Variants in CDH11 observed in about 807,000 individuals in gnomAD.
CDH11 encodes the protein cadherin-11.
In CDH11, 11 loss-of-function variants were observed where a neutral mutation model predicts 67.8. The ratio of observed to expected loss-of-function variants is 0.16; its 90% CI spans 0.10 to 0.27. The LOEUF is 0.27. CDH11 is among the 10% of genes least tolerant of loss of function. The pLI is 1.00. For synonymous variants in CDH11, 419 were observed against 400.0 expected (o/e 1.05, Z -0.57); for missense variants, 847 against 1,031.2 (o/e 0.82, Z 2.45).
At chr16:65,029,113 T>A (rs979713785) in intron 2 of CDH11, among the ~76,000 whole-genome samples, 6 of 151,518 alleles carry the variant, frequency 4.0e-5, no homozygotes, top group African/African-American at 1.5e-4. Context: ...TAAAATAAAC[T>A]TTTTTTTAAG....
At position 64,991,944 on chromosome 16, in the gene CDH11, G is replaced by A. The variant is rs1597063692; in HGVS notation, c.644-9C>T. On this transcript the variant is annotated splice_polypyrimidine_tract_variant and intron_variant, in intron 5 of 12. Coordinates refer to ENST00000268603, the MANE Select transcript of CDH11 (RefSeq NM_001797.4). ...GGCTGTTCTGATGATACCTGGACAG[G>A]TAAGCAGGCAACATCACAGATATTC... 6 of 1,583,362 alleles carry A rather than the reference G, an allele frequency of 3.8e-6. No individual in the cohort carries two copies. Among genetic ancestry groups the A allele is most frequent in the Non-Finnish European group, 5.2e-6 (6 of 1,156,470 alleles).
At chr16:65,037,426 G>A (rs1440839821) in intron 2 of CDH11, among the ~76,000 whole-genome samples, 1 of 152,142 alleles carries the variant, frequency 6.6e-6, no homozygotes, top group African/African-American at 2.4e-5. Flanking sequence ...GGAAACACCT[G>A]GATATTTGGA....
intron 11 of CDH11, among the ~76,000 whole-genome samples, chr16:64,970,298 A>G (rs777839966): frequency 1.3e-5 from 2 of 152,188 alleles, no homozygotes; most frequent in Non-Finnish European, 2.9e-5. Flanking sequence ...GGTAAATCAA[A>G]TCATAGACCC....
intron 1 of CDH11, among the ~76,000 whole-genome samples, chr16:65,085,293 T>C (rs1018231516): frequency 6.6e-6 from 1 of 152,192 alleles, no homozygotes; most frequent in African/African-American, 2.4e-5. Context: ...GGTTAAAGCA[T>C]GATAGAAAAG....
chr16:65,122,904 C>G (rs1262382310), upstream of CDH11, among the ~76,000 whole-genome samples: 1 of 152,216 alleles, frequency 6.6e-6, no homozygotes, highest in Non-Finnish European at 1.5e-5. Context: ...CCGGTAGTGT[C>G]ACTTGTTGCC....
chr16:65,001,085 A>G (rs879371250), intron 3 of CDH11, among the ~76,000 whole-genome samples: 42 of 152,262 alleles, frequency 2.8e-4, no homozygotes, highest in Admixed American at 7.9e-4. Flanking sequence ...TATTGTTTCA[A>G]TATCCCCAAA....
In CDH11 at chr16:65,060,354, T is replaced by TATATAG. The variant is rs367727382; in HGVS notation, c.-297-6427_-297-6426insCTATAT. Among the ~76,000 whole-genome samples, 12 of 145,064 alleles carry TATATAG rather than the reference T, an allele frequency of 8.3e-5. No homozygotes were observed. The South Asian group carries it at 2.2e-3, about 26-fold the overall frequency. ...TAAAATTTGCATATATATATATATA[T>TATATAG]AGAGAGAGAGAGAGAGAGACTATAT... On this transcript the variant is annotated intron_variant, in intron 1 of 12. Transcript: ENST00000268603.
chr16:65,045,329 GTATATA>G (rs57695452), intron 2 of CDH11, among the ~76,000 whole-genome samples: 871 of 63,208 alleles, frequency 0.014, 17 homozygotes, highest in Middle Eastern at 0.04. Flanking sequence ...TCCCTCAAAA[GTATATA>G]TATATATATA....
chr16:65,014,991 G>A (rs1193562598), intron 2 of CDH11, among the ~76,000 whole-genome samples: 2 of 150,192 alleles, frequency 1.3e-5, no homozygotes, highest in African/African-American at 4.9e-5. Flanking sequence ...GAGATTACAG[G>A]CATAGGCCAC....
intron 2 of CDH11, among the ~76,000 whole-genome samples, chr16:65,025,428 C>T (rs1022185235): frequency 3.9e-5 from 6 of 152,102 alleles, no homozygotes; most frequent in East Asian, 1.9e-4. Flanking sequence ...ACCTCTGCTC[C>T]GCCTCCCGGG....
At chr16:65,122,080 T>G, upstream of CDH11, 1 of 517,548 alleles carries the variant, frequency 1.9e-6, no homozygotes, top group South Asian at 1.9e-5. Flanking sequence ...CCGAGCGCGC[T>G]AGTGGCAGGA....
intron 11 of CDH11, among the ~76,000 whole-genome samples, chr16:64,962,559 C>T (rs2071701736): frequency 6.6e-6 from 1 of 152,092 alleles, no homozygotes. Context: ...AGTCACAGGA[C>T]CTCTCCCGTG....
intron 1 of CDH11, among the ~76,000 whole-genome samples, chr16:65,115,810 C>G (rs1051861054): frequency 6.6e-6 from 1 of 151,510 alleles, no homozygotes; most frequent in Non-Finnish European, 1.5e-5. Context: ...TACAGTGGCT[C>G]ACATCTGTAA....
chr16:65,093,602 G>T (rs1486554957), intron 1 of CDH11, among the ~76,000 whole-genome samples: 1 of 152,038 alleles, frequency 6.6e-6, no homozygotes, highest in Non-Finnish European at 1.5e-5. Context: ...TGTGTATACA[G>T]GTACAAATAT....
chr16:65,003,627 T>C (rs1318551836), intron 3 of CDH11, among the ~76,000 whole-genome samples: 1 of 152,192 alleles, frequency 6.6e-6, no homozygotes, highest in Non-Finnish European at 1.5e-5. Context: ...CAAATGCTAG[T>C]GGGTAGGTAA....
At chr16:65,067,472 G>T (rs2074332226) in intron 1 of CDH11, among the ~76,000 whole-genome samples, 2 of 152,158 alleles carry the variant, frequency 1.3e-5, no homozygotes, top group Admixed American at 1.3e-4. Context: ...ATTCTCTCAA[G>T]AATTTTCTCT....
At chr16:65,084,568 A>T (rs1424307496) in intron 1 of CDH11, among the ~76,000 whole-genome samples, 1 of 152,184 alleles carries the variant, frequency 6.6e-6, no homozygotes, top group Non-Finnish European at 1.5e-5. Flanking sequence ...AACAACAAGG[A>T]GGGAATCATA....
At chr16:65,015,163 C>T (rs1176938559) in intron 2 of CDH11, among the ~76,000 whole-genome samples, 1 of 151,674 alleles carries the variant, frequency 6.6e-6, no homozygotes, top group African/African-American at 2.4e-5. Context: ...TGAGCCACTG[C>T]GCCTGGCCTA....
chr16:64,977,843 G>C (rs1248019138), intron 8 of CDH11, among the ~76,000 whole-genome samples: 1 of 152,172 alleles, frequency 6.6e-6, no homozygotes, highest in Non-Finnish European at 1.5e-5. Flanking sequence ...AAATAACTTT[G>C]TAAAACCTGT....
Sources: allele counts gnomAD v4.1 joint callset (sites outside exome capture counted in the v4.1 genomes callset), GRCh38; gene constraint gnomAD v4.1.1; transcripts MANE v1.5; gene names NCBI Gene and HGNC (gene_info 2026-07-23, HGNC 2026-07-21).